CCDC7: variants seen among roughly 807,000 people sequenced by gnomAD.
CCDC7 encodes coiled-coil domain-containing protein 7.
In CCDC7, 183 loss-of-function variants were observed where a neutral mutation model predicts 196.9. That is an observed-to-expected ratio of 0.93 (90% CI 0.82 to 1.05). The LOEUF is 1.05. CCDC7 is among the 50% of genes least tolerant of loss of function. The pLI is 0.00. For synonymous variants in CCDC7, 525 were observed against 484.6 expected, an observed-to-expected ratio of 1.08 and a Z score of -1.10; for missense variants, 1,540 against 1,482.2, an observed-to-expected ratio of 1.04 and a Z score of -0.64.
intron 29 of CCDC7, among the ~76,000 whole-genome samples, chr10:32,795,288 T>C (rs1178585067): frequency 7.2e-5 from 11 of 152,180 alleles, no homozygotes; most frequent in Admixed American, 7.2e-4. Flanking sequence ...CCCTTCACTC[T>C]GTATTTTCAA....
At chr10:32,841,741 A>G (rs965374964) in intron 33 of CCDC7, among the ~76,000 whole-genome samples, 1 of 152,148 alleles carries the variant, frequency 6.6e-6, no homozygotes, top group Non-Finnish European at 1.5e-5. Context: ...ACAGCATGGT[A>G]CTGGTATAAA....
At chr10:32,817,595 A>ACC (rs2089037122) in intron 31 of CCDC7, among the ~76,000 whole-genome samples, 2 of 152,208 alleles carry the variant, frequency 1.3e-5, no homozygotes, top group South Asian at 2.1e-4. Flanking sequence ...GAGAAAGGTC[A>ACC]GGTTACCCAC....
chr10:32,448,190 A>G (rs935069488), upstream of CCDC7, among the ~76,000 whole-genome samples: 29 of 152,142 alleles, frequency 1.9e-4, no homozygotes, highest in Non-Finnish European at 3.8e-4. Context: ...AGTGCTATTA[A>G]GATATTTTCG....
At chr10:32,709,473 A>T (rs1736584576) in intron 24 of CCDC7, among the ~76,000 whole-genome samples, 1 of 152,148 alleles carries the variant, frequency 6.6e-6, no homozygotes, top group African/African-American at 2.4e-5. Flanking sequence ...GTATAATAAA[A>T]AAATAAATAA....
intron 18 of CCDC7, among the ~76,000 whole-genome samples, chr10:32,622,046 C>G (rs1564854100): frequency 6.6e-6 from 1 of 152,238 alleles, no homozygotes; most frequent in Non-Finnish European, 1.5e-5. Context: ...TTCAAGTGTT[C>G]ACTCAATTTA....
chr10:32,719,075 T>C (rs2082029182), intron 25 of CCDC7, among the ~76,000 whole-genome samples: 1 of 152,160 alleles, frequency 6.6e-6, no homozygotes, highest in South Asian at 2.1e-4. Flanking sequence ...AAGACAATCC[T>C]AAGCAAAAAG....
intron 9 of CCDC7, among the ~76,000 whole-genome samples, chr10:32,504,001 TTC>T (rs1198479133): frequency 6.6e-6 from 1 of 151,860 alleles, no homozygotes; most frequent in Admixed American, 6.6e-5. Context: ...TATTTGGGCC[TTC>T]TCTCTCTTTT....
chr10:32,515,829 G>A (rs1407358141), intron 9 of CCDC7, among the ~76,000 whole-genome samples: 1 of 151,964 alleles, frequency 6.6e-6, no homozygotes, highest in Non-Finnish European at 1.5e-5. Flanking sequence ...GTGAGCCACC[G>A]TGCCTGGCCT....
chr10:32,731,482 A>C lies in CCDC7; in HGVS notation c.2905+2025A>C, dbSNP rs548217126. Among the ~76,000 whole-genome samples, 10 of 151,770 alleles carry C rather than the reference A, an allele frequency of 6.6e-5. No homozygotes were observed. In the South Asian group the frequency reaches 2.1e-3, roughly 32 times the overall value. On this transcript the variant is annotated intron_variant, in intron 28 of 41. Transcript: ENST00000639629. ...TCTGATTCAGATTACTTTCTATTTTATTTCTTTCCTTATTTTGGAATTACT... is the reference window on the plus strand; with the variant it reads ...TCTGATTCAGATTACTTTCTATTTTCTTTCTTTCCTTATTTTGGAATTACT...
chr10:32,766,925 TG>T lies in CCDC7; in HGVS notation c.2906-12050del, dbSNP rs565513856. Among the ~76,000 whole-genome samples, 176 of 152,272 alleles carry T rather than the reference TG, an allele frequency of 1.2e-3. 1 individual carries two copies. The highest frequency in any genetic ancestry group is 4.0e-3 in the African/African-American group (166 of 41,568). The stretch of plus-strand genomic sequence containing the variant: ...GTACTGTGATTACTCGCTTGATTTC[TG>T]GTTCTTGTGATGGTGCTTTTTCCAT... On this transcript the variant is annotated intron_variant, in intron 28 of 41. Coordinates refer to ENST00000639629, the Ensembl canonical transcript of CCDC7.
chr10:32,650,433 A>G (rs781027120), intron 20 of CCDC7, among the ~76,000 whole-genome samples: 3 of 152,216 alleles, frequency 2.0e-5, no homozygotes, highest in Non-Finnish European at 4.4e-5. Context: ...CTCTCTCACC[A>G]GGCTTGCCCA....
intron 25 of CCDC7, among the ~76,000 whole-genome samples, chr10:32,726,007 G>C (rs1301109047): frequency 6.6e-6 from 1 of 151,976 alleles, no homozygotes; most frequent in Non-Finnish European, 1.5e-5. Context: ...CCTTCTCTTT[G>C]TATTCCCATC....
intron 20 of CCDC7, among the ~76,000 whole-genome samples, chr10:32,644,133 T>C (rs1225537243): frequency 6.6e-6 from 1 of 152,126 alleles, no homozygotes; most frequent in Non-Finnish European, 1.5e-5. Flanking sequence ...CATGTATACA[T>C]AGTATAATGA....
chr10:32,701,346 CT>C lies in CCDC7; in HGVS notation c.2458+6356del, dbSNP rs1171905273. Among the ~76,000 whole-genome samples the C allele has an allele frequency of 5.9e-5, 9 of 151,630 alleles. No homozygotes were observed. The East Asian group carries it at 1.8e-3, about 30-fold the overall frequency. On this transcript the variant is annotated intron_variant, in intron 24 of 41. Coordinates refer to ENST00000639629, the Ensembl canonical transcript of CCDC7. The stretch of plus-strand genomic sequence containing the variant: ...TTTGATTTGCGTATGTTGAACCAGC[CT>C]TGCATCCCAGGGATGAAGCCCATTT...
intron 26 of CCDC7, among the ~76,000 whole-genome samples, chr10:32,728,050 G>GC (rs575172441): frequency 3.0e-4 from 46 of 152,260 alleles, no homozygotes; most frequent in African/African-American, 1.1e-3. Context: ...CAATCACTAA[G>GC]CTGAGGAATG....
chr10:32,845,857 A>G lies in CCDC7; in HGVS notation c.3521-19A>G, dbSNP rs757259156. 6 of 1,560,416 alleles carry G rather than the reference A, an allele frequency of 3.8e-6. No homozygotes were observed. Among genetic ancestry groups the G allele is most frequent in the Non-Finnish European group, 5.3e-6 (6 of 1,133,084 alleles). On this transcript the variant is annotated intron_variant, in intron 35 of 41. Transcript: ENST00000639629. ...TGTTTACCTTATAAAATATATTGAAATCTGTTTTATTTCAATAGAGACTGA... is the reference window on the plus strand; with the variant it reads ...TGTTTACCTTATAAAATATATTGAAGTCTGTTTTATTTCAATAGAGACTGA...
At chr10:32,463,096 T>C in intron 5 of CCDC7, 47 bp downstream of exon 6, 1 of 1,603,076 alleles carries the variant, frequency 6.2e-7, no homozygotes, top group Non-Finnish European at 8.5e-7. Context: ...TTTTAACTCA[T>C]TTGAAAAGCA....
upstream of CCDC7, chr10:32,451,558 G>A: frequency 6.7e-7 from 1 of 1,486,862 alleles, no homozygotes; most frequent in Non-Finnish European, 8.9e-7. Flanking sequence ...TTAGAGCCTG[G>A]TGTTTTCTCT....
chr10:32,516,031 TAAA>T (rs1321881399), intron 9 of CCDC7, among the ~76,000 whole-genome samples: 5 of 151,484 alleles, frequency 3.3e-5, no homozygotes, highest in Non-Finnish European at 7.4e-5. Flanking sequence ...TTATCCAAAT[TAAA>T]AACTCTTGTG....
Sources: gnomAD v4.1 joint callset for allele counts (sites outside exome capture counted in the v4.1 genomes callset) on GRCh38, gnomAD v4.1.1 for gene constraint, MANE v1.5 for transcripts, NCBI Gene and HGNC (gene_info 2026-07-23, HGNC 2026-07-21) for gene names.